Variants in GNB1 observed in about 807,000 individuals in gnomAD.
The protein encoded by GNB1 is guanine nucleotide-binding protein G(I)/G(S)/G(T) subunit beta-1.
GNB1 carries 2 observed loss-of-function variants against 42.9 expected under a neutral mutation model. The ratio of observed to expected loss-of-function variants is 0.05; its 90% CI spans 0.02 to 0.15. GNB1 has a LOEUF of 0.15. Ranked by LOEUF, GNB1 falls within the 10% of genes least tolerant of loss-of-function variation. The probability of loss-of-function intolerance (pLI) is 1.00; values close to 1 mark genes in which losing one functional copy is unlikely to be tolerated. For synonymous variants in GNB1, 183 were observed against 174.7 expected (o/e 1.05, Z -0.38); for missense variants, 193 against 462.2 (o/e 0.42, Z 5.34).
chr1:1,840,126 G>A (rs1052633319), intron 1 of GNB1, among the ~76,000 whole-genome samples: 1 of 151,862 alleles, frequency 6.6e-6, no homozygotes, highest in Non-Finnish European at 1.5e-5. Context: ...TACCTGGGAG[G>A]CAGAGGCAGG....
At chr1:1,862,956 A>C (rs948238607) in intron 1 of GNB1, among the ~76,000 whole-genome samples, 5 of 152,148 alleles carry the variant, frequency 3.3e-5, no homozygotes, top group African/African-American at 9.7e-5. Flanking sequence ...TACACACACA[A>C]GAGGGAAAAC....
intron 1 of GNB1, among the ~76,000 whole-genome samples, chr1:1,854,851 G>T (rs543248192): frequency 6.6e-6 from 1 of 152,282 alleles, no homozygotes; most frequent in South Asian, 2.1e-4. Flanking sequence ...TGGCCAACAT[G>T]GTGAAACCCC....
At chr1:1,868,250 G>C (rs551210086) in intron 1 of GNB1, among the ~76,000 whole-genome samples, 16 of 151,878 alleles carry the variant, frequency 1.1e-4, no homozygotes, top group African/African-American at 3.6e-4. Flanking sequence ...ATCTCAGCTC[G>C]CTGCAACCTC....
At chr1:1,883,967 CTTTT>C (rs1186881007) in intron 1 of GNB1, among the ~76,000 whole-genome samples, 1 of 136,286 alleles carries the variant, frequency 7.3e-6, no homozygotes, top group African/African-American at 2.7e-5. Flanking sequence ...AGTGTCCGGA[CTTTT>C]TTTTTTTTTT....
chr1:1,798,695 G>A (rs959740189), intron 7 of GNB1, among the ~76,000 whole-genome samples: 1 of 152,230 alleles, frequency 6.6e-6, no homozygotes, highest in African/African-American at 2.4e-5. Flanking sequence ...GACTGGATCA[G>A]AGGGCTGGAA....
intron 1 of GNB1, among the ~76,000 whole-genome samples, chr1:1,871,508 T>G (rs539732775): frequency 6.6e-6 from 1 of 152,010 alleles, no homozygotes; most frequent in Non-Finnish European, 1.5e-5. Context: ...CACCCTACAC[T>G]GTCACATCCC....
rs1237476400 is a variant in GNB1 at position 1,789,050 on chromosome 1, T to C, written c.916+3A>G. 6.2e-7 allele frequency: 1 copy of C among 1,611,304 alleles called. No individual in the cohort carries two copies. Among genetic ancestry groups the C allele is most frequent in the Admixed American group, 1.7e-5 (1 of 59,996 alleles). ...GACACAGAAAGGCCCCATGGCCACGTACCTGCCCGGTCGGCTTTGAGTGCA... is the reference window on the plus strand; with the variant it reads ...GACACAGAAAGGCCCCATGGCCACGCACCTGCCCGGTCGGCTTTGAGTGCA... On this transcript the variant is annotated splice_donor_region_variant and intron_variant, in intron 10 of 11. Transcript: ENST00000378609.
In GNB1 at chr1:1,801,546, G is replaced by A. The variant is rs141552091; in HGVS notation, c.430+2873C>T. Among the ~76,000 whole-genome samples the A allele has an allele frequency of 6.5e-4, 99 of 152,190 alleles. No homozygotes were observed. The East Asian group carries it at 7.5e-3, about 12-fold the overall frequency. On this transcript the variant is annotated intron_variant, in intron 7 of 11. Transcript: ENST00000378609. ...AGGACCAAGTTAACTAGAGGACCGC[G>A]AGACATTGGGAATGTACACTATAAT... is the stretch of plus-strand genomic sequence containing the variant.
chr1:1,834,440 GCA>G (rs1647117663), intron 2 of GNB1, among the ~76,000 whole-genome samples: 1 of 152,118 alleles, frequency 6.6e-6, no homozygotes, highest in South Asian at 2.1e-4. Context: ...ACAAAATCTA[GCA>G]CATACTAGGA....
chr1:1,804,588 A>G lies in GNB1; in HGVS notation c.268-7T>C. On this transcript the variant is annotated splice_region_variant and splice_polypyrimidine_tract_variant and intron_variant, in intron 6 of 11. Coordinates refer to ENST00000378609, the MANE Select transcript of GNB1 (RefSeq NM_002074.5). ...GCAGAGGGATGGCGTGGACCTAATGACAGAAAGACAGATGATGCAAACAAC... is the reference window on the plus strand; with the variant it reads ...GCAGAGGGATGGCGTGGACCTAATGGCAGAAAGACAGATGATGCAAACAAC... The G allele has an allele frequency of 3.2e-6, 5 of 1,554,922 alleles. No individual in the cohort carries two copies. The highest frequency in any genetic ancestry group is 3.5e-6 in the Non-Finnish European group (4 of 1,149,006).
rs538426319 is a variant in GNB1, at chr1:1,851,118, A to C, written c.-95-11880T>G. 8.7e-4 allele frequency among the ~76,000 whole-genome samples: 133 copies of C among 152,034 alleles called. 1 individual carries two copies. The highest frequency in any genetic ancestry group is 2.5e-3 in the Admixed American group (38 of 15,272). ...CCCCGTCTCTACTAAAAATACAAAA[A>C]TTAGCAAGGCGCCAGGCGCGGAGGC... On this transcript the variant is annotated intron_variant, in intron 1 of 11. Coordinates refer to ENST00000378609, the MANE Select transcript of GNB1 (RefSeq NM_002074.5).
chr1:1,817,253 C>T (rs945332936), intron 4 of GNB1, among the ~76,000 whole-genome samples: 1 of 152,226 alleles, frequency 6.6e-6, no homozygotes, highest in East Asian at 1.9e-4. Flanking sequence ...GGTTTATCCA[C>T]GTTGCAGCCT....
intron 3 of GNB1, 57 bp from the exon 4 acceptor site, chr1:1,817,932 T>C (rs367950986): frequency 2.6e-5 from 34 of 1,304,440 alleles, no homozygotes; most frequent in Non-Finnish European, 3.7e-5. Context: ...CAATCTCAGG[T>C]CCACACATAC....
intron 7 of GNB1, among the ~76,000 whole-genome samples, chr1:1,798,241 C>T (rs2100611350): frequency 6.6e-6 from 1 of 152,368 alleles, no homozygotes; most frequent in African/African-American, 2.4e-5. Flanking sequence ...AGCCAAGATA[C>T]TGGGGCTGGT....
At chr1:1,815,012 T>C (rs1289483588) in intron 5 of GNB1, among the ~76,000 whole-genome samples, 1 of 143,382 alleles carries the variant, frequency 7.0e-6, no homozygotes. Context: ...CTAGGGAGGG[T>C]GAGGCAGGAG....
At chr1:1,847,227 C>G (rs769854064) in intron 1 of GNB1, among the ~76,000 whole-genome samples, 9 of 152,120 alleles carry the variant, frequency 5.9e-5, no homozygotes, top group Admixed American at 1.3e-4. Flanking sequence ...GCTGCTAACC[C>G]CTGAGCCTTG....
chr1:1,789,940 A>C (rs1306167993), intron 9 of GNB1, among the ~76,000 whole-genome samples: 1 of 152,210 alleles, frequency 6.6e-6, no homozygotes, highest in Non-Finnish European at 1.5e-5. Flanking sequence ...GGGCTGACCA[A>C]GGCTGTGGTC....
At chr1:1,798,213 T>G (rs1478118191) in intron 7 of GNB1, among the ~76,000 whole-genome samples, 1 of 152,250 alleles carries the variant, frequency 6.6e-6, no homozygotes, top group Admixed American at 6.5e-5. Flanking sequence ...GGTGTGAGGC[T>G]GTGAGGCCCA....
At chr1:1,874,419 G>C (rs147105313) in intron 1 of GNB1, among the ~76,000 whole-genome samples, 12,000 of 151,756 alleles carry the variant, frequency 0.079, 649 homozygotes, top group Non-Finnish European at 0.12. Flanking sequence ...GACCAGCCTG[G>C]GCAACACGGT....
Sources: gnomAD v4.1 joint callset for allele counts (sites outside exome capture counted in the v4.1 genomes callset) on GRCh38, gnomAD v4.1.1 for gene constraint, MANE v1.5 for transcripts, NCBI Gene and HGNC (gene_info 2026-07-23, HGNC 2026-07-21) for gene names.